PTPDC1: variants seen among roughly 807,000 people sequenced by gnomAD.
PTPDC1 encodes the protein protein tyrosine phosphatase domain containing 1.
Under a neutral mutation model 75.3 loss-of-function variants are expected in PTPDC1, and 53 were observed. The observed-to-expected ratio is 0.70, with a 90% CI of 0.56 to 0.88. The LOEUF is 0.88. Among genes scored for constraint, PTPDC1 ranks in the 40% least tolerant of loss-of-function variants. PTPDC1 has a pLI of 0.00. For synonymous variants in PTPDC1, 349 were observed against 366.2 expected (o/e 0.95, Z 0.54); for missense variants, 925 against 998.6 (o/e 0.93, Z 0.99).
chr9:94,072,236 C>G (rs1826535159), intron 2 of PTPDC1, among the ~76,000 whole-genome samples: 1 of 152,190 alleles, frequency 6.6e-6, no homozygotes, highest in Non-Finnish European at 1.5e-5. Context: ...AAACTCCTGA[C>G]TTCAGGTGAT....
At chr9:94,044,542 A>G (rs1190786760) in intron 1 of PTPDC1, among the ~76,000 whole-genome samples, 1 of 152,132 alleles carries the variant, frequency 6.6e-6, no homozygotes, top group East Asian at 1.9e-4. Context: ...ATAAGTGAGA[A>G]CATGTGGCCT....
rs765869597 is a variant in PTPDC1, at chr9:94,097,762, A to T, written c.1196A>T (p.Asn399Ile). The change falls in exon 6 of 9, where the codon AAC becomes ATC. Residue 399 changes from asparagine (N) to isoleucine (I), a missense_variant. Transcript: ENST00000620992. The part of the protein sequence containing the change: ...ELLRHDSDVS[N>I]PPNPTAVAAD... ...CTGAGGCATGACAGTGATGTGTCCA[A>T]CCCGCCTAACCCCACTGCAGTGGCA... The T allele has an allele frequency of 8.7e-6, 14 of 1,613,884 alleles. No homozygotes were observed. Among genetic ancestry groups the T allele is most frequent in the Non-Finnish European group, 9.3e-6 (11 of 1,179,908 alleles).
intron 1 of PTPDC1, among the ~76,000 whole-genome samples, chr9:94,047,975 A>G (rs1412608988): frequency 6.6e-6 from 1 of 152,216 alleles, no homozygotes; most frequent in African/African-American, 2.4e-5. Flanking sequence ...TCACAGCTGA[A>G]TTCTACCAGA....
chr9:94,063,726 C>G (rs1424172326), intron 1 of PTPDC1, among the ~76,000 whole-genome samples: 2 of 152,078 alleles, frequency 1.3e-5, no homozygotes, highest in African/African-American at 4.8e-5. Context: ...ACTTTTTTCT[C>G]AGAGGAATGA....
chr9:94,068,557 T>G (rs1826400480), intron 2 of PTPDC1, among the ~76,000 whole-genome samples: 1 of 152,208 alleles, frequency 6.6e-6, no homozygotes, highest in Non-Finnish European at 1.5e-5. Context: ...AGTAAAGTGG[T>G]GTCTGCCAAA....
upstream of PTPDC1, among the ~76,000 whole-genome samples, chr9:94,082,989 A>G (rs541564814): frequency 5.3e-5 from 8 of 152,328 alleles, no homozygotes; most frequent in African/African-American, 1.9e-4. Flanking sequence ...CTGGTTCTCC[A>G]GGCCATGGAC....
chr9:94,100,853 T>G (rs1827811186), intron 6 of PTPDC1: 1 of 152,240 alleles, frequency 6.6e-6, no homozygotes, highest in East Asian at 1.9e-4. Flanking sequence ...TTATCTCACT[T>G]TTCCCTTGCT....
intron 1 of PTPDC1, among the ~76,000 whole-genome samples, chr9:94,051,753 C>T (rs933336398): frequency 6.6e-6 from 1 of 152,190 alleles, no homozygotes; most frequent in African/African-American, 2.4e-5. Flanking sequence ...TTTATAGGCA[C>T]AGATTTACTC....
intron 1 of PTPDC1, among the ~76,000 whole-genome samples, chr9:94,044,885 C>T (rs1026257611): frequency 6.6e-6 from 1 of 151,950 alleles, no homozygotes; most frequent in South Asian, 2.1e-4. Flanking sequence ...GGTACATGTG[C>T]ACAATGTGCA....
At chr9:94,069,821 T>G (rs1826449703) in intron 2 of PTPDC1, among the ~76,000 whole-genome samples, 2 of 145,362 alleles carry the variant, frequency 1.4e-5, no homozygotes, top group African/African-American at 5.1e-5. Context: ...AGCCAATACT[T>G]TCTTTTTTTT....
chr9:94,093,020 G>T (rs923504701), intron 4 of PTPDC1, among the ~76,000 whole-genome samples: 2 of 151,472 alleles, frequency 1.3e-5, no homozygotes, highest in Non-Finnish European at 2.9e-5. Flanking sequence ...CACACTGATG[G>T]GTCTTGACTC....
rs143274614 is a variant in PTPDC1 at position 94,069,048 on chromosome 9, A to C, written c.82+4227A>C. Among the ~76,000 whole-genome samples the C allele has an allele frequency of 4.3e-3, 652 of 152,068 alleles. 4 individuals carry two copies. Among genetic ancestry groups the C allele is most frequent in the African/African-American group, 0.015 (607 of 41,488 alleles). ...ACAGCAAGATCTTCCAGCTCATTTT[A>C]TTCTCTTCTTGCCCTGGCCCAGAAA... On this transcript the variant is annotated intron_variant, in intron 2 of 9. Coordinates refer to the PTPDC1 transcript ENST00000375360.
intron 8 of PTPDC1, 41 bp from the exon 9 acceptor site, chr9:94,107,787 T>A: frequency 8.3e-7 from 1 of 1,203,070 alleles, no homozygotes; most frequent in Non-Finnish European, 1.2e-6. Context: ...TAGTTCAAAT[T>A]CTTGTTACAG....
intron 1 of PTPDC1, among the ~76,000 whole-genome samples, chr9:94,031,623 A>G (rs572991817): frequency 6.6e-6 from 1 of 152,014 alleles, no homozygotes. Context: ...CATGGGTGAT[A>G]TTGCTCATGT....
At chr9:94,107,739 T>C in intron 8 of PTPDC1, 89 bp from the exon 9 acceptor site, 1 of 618,282 alleles carries the variant, frequency 1.6e-6, no homozygotes, top group Non-Finnish European at 2.7e-6. Flanking sequence ...GTAAGTCTGT[T>C]TTTTTTCTCC....
chr9:94,084,667 G>T lies in PTPDC1; in HGVS notation c.137G>T (p.Gly46Val). 1 of 1,613,686 alleles carries T rather than the reference G, an allele frequency of 6.2e-7. No individual in the cohort carries two copies. The highest frequency in any genetic ancestry group is 8.5e-7 in the Non-Finnish European group (1 of 1,179,842). ...QARRGSGLGS[G>V]SATKLLSSSS... Reference sequence around the variant, plus strand: ...CGGCGGGGCTCTGGCTTGGGCTCCGGCTCTGCCACGAAGCTGCTGTCCTCG... The same window carrying T: ...CGGCGGGGCTCTGGCTTGGGCTCCGTCTCTGCCACGAAGCTGCTGTCCTCG... Residue 46 changes from glycine (G) to valine (V), a missense_variant, in exon 1 of 9, where the codon GGC becomes GTC. Coordinates refer to ENST00000620992, the MANE Select transcript of PTPDC1 (RefSeq NM_001253829.2).
At chr9:94,054,556 G>C (rs1825877592) in intron 1 of PTPDC1, among the ~76,000 whole-genome samples, 1 of 151,996 alleles carries the variant, frequency 6.6e-6, no homozygotes, top group Non-Finnish European at 1.5e-5. Flanking sequence ...TGTGTAAAGG[G>C]GCCACGTTCC....
intron 2 of PTPDC1, among the ~76,000 whole-genome samples, chr9:94,085,786 A>T (rs1827051920): frequency 6.6e-6 from 1 of 152,226 alleles, no homozygotes; most frequent in Non-Finnish European, 1.5e-5. Context: ...GTAATTTTTC[A>T]GTTTCATGTA....
intron 1 of PTPDC1, among the ~76,000 whole-genome samples, chr9:94,043,140 A>G (rs1825481515): frequency 6.6e-6 from 1 of 152,176 alleles, no homozygotes; most frequent in South Asian, 2.1e-4. Flanking sequence ...AACTCCTGTT[A>G]ATGTTGGTAT....
Sources: gnomAD v4.1 joint callset for allele counts (sites outside exome capture counted in the v4.1 genomes callset) on GRCh38, gnomAD v4.1.1 for gene constraint, MANE v1.5 for transcripts, NCBI Gene and HGNC (gene_info 2026-07-23, HGNC 2026-07-21) for gene names.